Variants in SFTPB observed in about 807,000 individuals in gnomAD.
SFTPB encodes surfactant protein B, also known as pulmonary surfactant-associated protein B.
In SFTPB, 32 loss-of-function variants were observed where a neutral mutation model predicts 51.0. The ratio of observed to expected loss-of-function variants is 0.63; its 90% CI spans 0.47 to 0.84. SFTPB has a LOEUF of 0.84. SFTPB is among the 40% of genes least tolerant of loss of function. SFTPB has a pLI of 0.00. For synonymous variants in SFTPB, 211 were observed against 208.5 expected, an observed-to-expected ratio of 1.01 and a Z score of -0.10; for missense variants, 431 against 491.2, an observed-to-expected ratio of 0.88 and a Z score of 1.16.
intron 9 of SFTPB, 36 bp from the exon 10 acceptor site, chr2:85,661,571 C>T (rs770903345): frequency 5.2e-6 from 8 of 1,548,774 alleles, no homozygotes. Flanking sequence ...GAGGCCTGGG[C>T]CCCCTCAGCT....
At chr2:85,660,707 G>A (rs986849565) in intron 10 of SFTPB, among the ~76,000 whole-genome samples, 8 of 152,134 alleles carry the variant, frequency 5.3e-5, no homozygotes, top group South Asian at 2.1e-4. Flanking sequence ...TGCCTGCCTC[G>A]GCCTCCCAAA....
At chr2:85,665,138 TG>T in intron 6 of SFTPB, 150 bp downstream of exon 6, 1 of 733,718 alleles carries the variant, frequency 1.4e-6, no homozygotes. Flanking sequence ...GTCCCCTGGG[TG>T]GGGGCAATGC....
chr2:85,665,899 C>T, intron 4 of SFTPB, 105 bp from the exon 5 acceptor site: 7 of 1,070,774 alleles, frequency 6.5e-6, no homozygotes, highest in Non-Finnish European at 9.8e-6. Context: ...AGGAAGCAGG[C>T]CTAGTGGGGG....
chr2:85,667,319 A>G, intron 2 of SFTPB, 142 bp from the exon 3 acceptor site: 3 of 708,406 alleles, frequency 4.2e-6, no homozygotes, highest in Middle Eastern at 6.8e-4. Context: ...GTCCCATCTC[A>G]TCCATATCAA....
At chr2:85,662,149 A>G in intron 8 of SFTPB, 40 bp from the exon 9 acceptor site, 1 of 1,576,184 alleles carries the variant, frequency 6.3e-7, no homozygotes, top group Non-Finnish European at 8.6e-7. Context: ...GTCCCTTTGC[A>G]GGACTCTCCT....
intron 1 of SFTPB, 102 bp from the exon 2 acceptor site, chr2:85,667,908 G>A: frequency 1.3e-6 from 2 of 1,530,864 alleles, no homozygotes; most frequent in East Asian, 2.4e-5. Context: ...GGAGTGTGAG[G>A]CCATTAAACA....
chr2:85,666,517 G>GTGTCCGGCTGGCTGGGGGGCTGTGTGTT, intron 4 of SFTPB, 100 bp downstream of exon 4: 1 of 1,182,302 alleles, frequency 8.5e-7, no homozygotes, highest in East Asian at 2.5e-5. Context: ...GTGTGTGTGT[G>GTGTCCGGCTGGCTGGGGGGCTGTGTGTT]TGTGTCTGGC....
chr2:85,664,489 G>A (rs1677475366), intron 6 of SFTPB, among the ~76,000 whole-genome samples: 1 of 151,972 alleles, frequency 6.6e-6, no homozygotes, highest in Non-Finnish European at 1.5e-5. Flanking sequence ...TTTTGAGACA[G>A]AGTCTTGCTC....
intron 6 of SFTPB, among the ~76,000 whole-genome samples, 191 bp downstream of exon 6, chr2:85,665,098 C>A (rs1677505096): frequency 6.6e-6 from 1 of 152,190 alleles, no homozygotes; most frequent in South Asian, 2.1e-4. Flanking sequence ...GTAGGCCTGG[C>A]ACCTACCAGG....
rs565870876 is a variant in SFTPB at position 85,663,719 on chromosome 2, G to A, written c.801C>T (p.Pro267=). 4.3e-6 allele frequency: 7 copies of A among 1,612,340 alleles called. No homozygotes were observed. The highest frequency in any genetic ancestry group is 1.7e-4 in the Middle Eastern group (1 of 6,052). Residue 267 remains proline, a synonymous_variant, in exon 7 of 11, where the codon CCC becomes CCT. Coordinates refer to ENST00000519937, the MANE Select transcript of SFTPB (RefSeq NM_000542.5). The part of the protein sequence containing the change: ...LLDTLLGRML[P]QLVCRLVLRC... ...GGAGGACGAGGCGGCAGACCAGCTG[G>A]GGCAGCATGCGGCCCAGCAGCGTGT...
chr2:85,666,539 C>CTG (rs1178429688), intron 4 of SFTPB, 78 bp downstream of exon 4: 42 of 1,463,320 alleles, frequency 2.9e-5, no homozygotes, highest in Admixed American at 3.5e-5. Flanking sequence ...GGCTGGGGTG[C>CTG]TGTGTGTGTG....
chr2:85,661,997 G>A, intron 9 of SFTPB, 32 bp downstream of exon 9: 1 of 1,574,194 alleles, frequency 6.4e-7, no homozygotes, highest in Non-Finnish European at 8.6e-7. Context: ...GCCAAGGGAA[G>A]TCCTAGGACC....
rs753771008 is a variant in SFTPB, at chr2:85,666,622, G to C, written c.388C>G (p.Gln130Glu). The C allele has an allele frequency of 1.9e-6, 3 of 1,613,566 alleles. No homozygotes were observed. The highest frequency in any genetic ancestry group is 2.5e-6 in the Non-Finnish European group (3 of 1,179,712). ...GGTGAGCTTGCAGCCCTCACAGTCT[G>C]GTTCTGGAAGTAGTCGATGACCAGG... ...FPLVIDYFQN[Q>E]TDSNGICMHL... Residue 130 changes from glutamine (Q) to glutamate (E), a missense_variant, in exon 4 of 11, where the codon CAG (glutamine) becomes GAG (glutamate). Gln to Glu is a conservative substitution (Grantham distance 29). Transcript: ENST00000519937.
At chr2:85,666,507 G>GTA in intron 4 of SFTPB, 110 bp downstream of exon 4, 1 of 1,097,730 alleles carries the variant, frequency 9.1e-7, no homozygotes. Context: ...GTGTGTGTGT[G>GTA]TGTGTGTGTG....
chr2:85,666,529 G>T, intron 4 of SFTPB, 88 bp downstream of exon 4: 1 of 1,310,682 alleles, frequency 7.6e-7, no homozygotes, highest in Non-Finnish European at 1.1e-6. Flanking sequence ...GTGTCTGGCT[G>T]GCTGGGGTGC....
intron 4 of SFTPB, 117 bp from the exon 5 acceptor site, chr2:85,665,911 G>A: frequency 1.0e-6 from 1 of 964,702 alleles, no homozygotes; most frequent in Non-Finnish European, 1.6e-6. Context: ...TAGTGGGGGT[G>A]CTGTGGTTTA....
At chr2:85,667,265 A>G (rs752185020) in intron 2 of SFTPB, 88 bp from the exon 3 acceptor site, 2 of 982,848 alleles carry the variant, frequency 2.0e-6, no homozygotes, top group South Asian at 1.3e-5. Context: ...GAAGAGGCCA[A>G]CAGAGCACTC....
chr2:85,663,440 A>T lies in SFTPB; in HGVS notation c.908T>A (p.Met303Lys). The T allele has an allele frequency of 6.2e-7, 1 of 1,614,034 alleles. No individual in the cohort carries two copies. Among genetic ancestry groups the T allele is most frequent in the Non-Finnish European group, 8.5e-7 (1 of 1,180,016 alleles). Residue 303 changes from methionine (M) to lysine (K), a missense_variant, in exon 8 of 11, where the codon ATG (methionine) becomes AAG (lysine). Met to Lys is a moderately conservative substitution (Grantham distance 95). Coordinates refer to ENST00000519937, the MANE Select transcript of SFTPB (RefSeq NM_000542.5). ...GTTCCCGGCCTGGGTGGTCACGGACATGCAGAGGTGGCACTCAGAGTCTCG... is the reference window on the plus strand; with the variant it reads ...GTTCCCGGCCTGGGTGGTCACGGACTTGCAGAGGTGGCACTCAGAGTCTCG... Reference protein sequence around the residue: ...LPRDSECHLCMSVTTQAGNSS... With the variant: ...LPRDSECHLCKSVTTQAGNSS...
chr2:85,666,813 GCCCC>G, intron 3 of SFTPB, 71 bp from the exon 4 acceptor site: 2 of 1,598,374 alleles, frequency 1.3e-6, no homozygotes, highest in Non-Finnish European at 1.7e-6. Context: ...TGGACACAAG[GCCCC>G]ACCAGGGCAG....
Sources: gnomAD v4.1 joint callset for allele counts (sites outside exome capture counted in the v4.1 genomes callset) on GRCh38, gnomAD v4.1.1 for gene constraint, MANE v1.5 for transcripts, NCBI Gene and HGNC (gene_info 2026-07-23, HGNC 2026-07-21) for gene names.